Variants in KCNJ18 observed in about 807,000 individuals in gnomAD.
KCNJ18 encodes potassium inwardly rectifying channel subfamily J member 18, also known as inward rectifier potassium channel 18.
Under a neutral mutation model 17.3 loss-of-function variants are expected in KCNJ18, and 16 were observed. The observed-to-expected ratio is 0.92, with a 90% CI of 0.62 to 1.40. KCNJ18 has a LOEUF of 1.40. KCNJ18 is among the 40% of genes most tolerant of loss of function. The pLI is 0.00. For synonymous variants in KCNJ18, 185 were observed against 262.6 expected (o/e 0.70, Z 2.86); for missense variants, 462 against 626.8 (o/e 0.74, Z 2.81).
intron 1 of KCNJ18, among the ~76,000 whole-genome samples, chr17:21,695,006 A>G (rs1905713715): frequency 6.7e-6 from 1 of 149,826 alleles, no homozygotes; most frequent in Non-Finnish European, 1.5e-5. Context: ...CTATCCATCC[A>G]TCCACCCACC....
intron 2 of KCNJ18, among the ~76,000 whole-genome samples, chr17:21,702,396 T>C (rs1330517946): frequency 6.6e-6 from 1 of 152,072 alleles, no homozygotes; most frequent in Admixed American, 6.5e-5. Context: ...GCAGAGAGGC[T>C]GGCAAGTTGT....
In KCNJ18 at chr17:21,696,011, C is replaced by A. The variant is rs1216703334; in HGVS notation, c.-150C>A. The A allele has an allele frequency of 8.0e-4, 122 of 152,558 alleles. No individual in the cohort carries two copies. Among genetic ancestry groups the A allele is most frequent in the African/African-American group, 2.8e-3 (118 of 41,602 alleles). The allele number at this position is 152,558 out of a possible 1,614,324, so 9.5% of individuals were successfully genotyped here. On this transcript the variant is annotated 5_prime_UTR_variant, in exon 2 of 3. It adds an upstream start codon to the 5' untranslated region. Transcript: ENST00000567955. ...GTTCTAGTGACTGGATCCTTTCCAG[C>A]TGGTGCCTGGGAAATGGCAGCCACT...
At chr17:21,696,758 A>C (rs1217785193) in intron 2 of KCNJ18, among the ~76,000 whole-genome samples, 1 of 151,770 alleles carries the variant, frequency 6.6e-6, no homozygotes, top group African/African-American at 2.4e-5. Flanking sequence ...TGTGGGGCAG[A>C]AGGTGGAGGA....
chr17:21,696,250 C>T (rs1452038520), intron 2 of KCNJ18, 146 bp downstream of exon 2: 1 of 151,954 alleles, frequency 6.6e-6, no homozygotes, highest in African/African-American at 2.4e-5. Flanking sequence ...GCCTTCCATC[C>T]ACCCACCCAT....
chr17:21,694,103 G>C (rs1180160135), intron 1 of KCNJ18, among the ~76,000 whole-genome samples: 13,203 of 138,544 alleles, frequency 0.095, 1,553 homozygotes, highest in African/African-American at 0.29. Context: ...CTGTGTGCCT[G>C]TAAACCACTG....
chr17:21,701,330 T>A (rs1247583534), intron 2 of KCNJ18, among the ~76,000 whole-genome samples: 1 of 152,276 alleles, frequency 6.6e-6, no homozygotes, highest in Non-Finnish European at 1.5e-5. Flanking sequence ...GAGCTGAGGG[T>A]GGTGCTGGGA....
chr17:21,698,926 C>T (rs1427837409), intron 2 of KCNJ18, among the ~76,000 whole-genome samples: 24 of 152,362 alleles, frequency 1.6e-4, no homozygotes, highest in African/African-American at 4.3e-4. Context: ...GTGTTGAAAC[C>T]GCCTTGTCTA....
At chr17:21,699,289 C>T (rs1333856815) in intron 2 of KCNJ18, among the ~76,000 whole-genome samples, 51 of 152,122 alleles carry the variant, frequency 3.4e-4, no homozygotes, top group African/African-American at 1.0e-3. Context: ...TCTTAAATTG[C>T]GACCTTGAAG....
intron 1 of KCNJ18, among the ~76,000 whole-genome samples, chr17:21,694,810 A>G: frequency 2.0e-5 from 3 of 151,892 alleles, no homozygotes; most frequent in Middle Eastern, 6.8e-3. Context: ...CCAACATTCC[A>G]TCCATCCATC....
intron 1 of KCNJ18, among the ~76,000 whole-genome samples, chr17:21,694,993 C>T (rs1184585037): frequency 1.2e-4 from 18 of 151,518 alleles, no homozygotes; most frequent in Admixed American, 2.0e-4. Context: ...CCATCCCATT[C>T]GTCTATCCAT....
At position 21,703,592 on chromosome 17, in the gene KCNJ18, C is replaced by A; in HGVS notation, c.806C>A (p.Thr269Asn). 2.5e-6 allele frequency: 4 copies of A among 1,613,166 alleles called. No individual in the cohort carries two copies. The highest frequency in any genetic ancestry group is 2.5e-6 in the Non-Finnish European group (3 of 1,179,602). ...LDRIFLVSPI[T>N]ILHEIDEASP... is the part of the protein sequence containing the mutation. ...CGCATCTTTCTGGTGTCGCCCATCA[C>A]CATCTTGCATGAAATTGACGAGGCC... The change falls in exon 3 of 3, where the codon ACC becomes AAC. Residue 269 changes from threonine (T) to asparagine (N), a missense_variant. By Grantham distance (65) the Thr-to-Asn change is moderately conservative. This residue lies in a region of KCNJ18 where 55 missense variants were observed against 69.1 expected (regional missense o/e 0.80). Coordinates refer to ENST00000567955, the MANE Select transcript of KCNJ18 (RefSeq NM_001194958.2).
intron 2 of KCNJ18, among the ~76,000 whole-genome samples, chr17:21,702,367 T>C (rs1196045914): frequency 6.6e-6 from 1 of 152,034 alleles, no homozygotes; most frequent in East Asian, 1.9e-4. Flanking sequence ...CCATGGAGAC[T>C]GGGGGGCCAT....
At chr17:21,701,205 A>G (rs1325236136) in intron 2 of KCNJ18, among the ~76,000 whole-genome samples, 1,744 of 42,556 alleles carry the variant, frequency 0.041, 16 homozygotes, top group South Asian at 0.11. Flanking sequence ...GGGTGGGCAC[A>G]TCAGTGGCTG....
At position 21,703,218 on chromosome 17, in the gene KCNJ18, C is replaced by T. The variant is rs1441020437; in HGVS notation, c.432C>T (p.Ile144=). 2.5e-5 allele frequency: 40 copies of T among 1,611,054 alleles called. 1 individual carries two copies. Among genetic ancestry groups the T allele is most frequent in the South Asian group, 1.3e-4 (12 of 90,830 alleles). The change falls in exon 3 of 3, where the codon ATC becomes ATT. Residue 144 remains isoleucine (I), a synonymous_variant. Transcript: ENST00000567955. Reference sequence around the variant, plus strand: ...TCTCCATCGAGACGCAGACCACCATCGGCTACGGGCTGCGCTGTGTGACGG... The same window carrying T: ...TCTCCATCGAGACGCAGACCACCATTGGCTACGGGCTGCGCTGTGTGACGG... ...FLFSIETQTT[I]GYGLRCVTEE...
Position 21,704,372 on chromosome 17 carries a change from G to A in KCNJ18, c.*284G>A, listed in dbSNP as rs1906095026. 2.4e-6 allele frequency: 1 copy of A among 417,358 alleles called. No homozygotes were observed. The highest frequency in any genetic ancestry group is 4.4e-6 in the Non-Finnish European group (1 of 228,376). The allele number at this position is 417,358 out of a possible 1,614,324, so 25.9% of individuals were successfully genotyped here. On this transcript the variant is annotated 3_prime_UTR_variant, in exon 3 of 3. Coordinates refer to ENST00000567955, the MANE Select transcript of KCNJ18 (RefSeq NM_001194958.2). ...GCCAGGGCTTCTGCCTGAAGATGGAGCTGCAGCCTGCGGGGAAGCAGCCCA... is the reference window on the plus strand; with the variant it reads ...GCCAGGGCTTCTGCCTGAAGATGGAACTGCAGCCTGCGGGGAAGCAGCCCA...
chr17:21,693,840 T>C (rs1359949265), intron 1 of KCNJ18, among the ~76,000 whole-genome samples: 1 of 152,106 alleles, frequency 6.6e-6, no homozygotes, highest in Non-Finnish European at 1.5e-5. Context: ...TCTCTGAACC[T>C]CTGTGTCCCC....
In KCNJ18 at chr17:21,703,129, G is replaced by A; in HGVS notation, c.343G>A (p.Ala115Thr). 1 of 1,611,576 alleles carries A rather than the reference G, an allele frequency of 6.2e-7. No individual in the cohort carries two copies. Among genetic ancestry groups the A allele is most frequent in the Non-Finnish European group, 8.5e-7 (1 of 1,179,446 alleles). ...GGTGGCACACGGTGACCTGGAGCCG[G>A]CTGAGGGCCACGGCCGCACACCCTG... is the stretch of plus-strand genomic sequence containing the variant. ...IAVAHGDLEP[A>T]EGHGRTPCVM... The change falls in exon 3 of 3, where the codon GCT becomes ACT. Residue 115 changes from alanine (A) to threonine (T), a missense_variant. Around this residue, in one of 5 missense-constraint regions of KCNJ18, gnomAD observed 237 missense variants for 259.4 expected, o/e 0.91. Transcript: ENST00000567955.
At chr17:21,702,222 C>T (rs1905982055) in intron 2 of KCNJ18, among the ~76,000 whole-genome samples, 1 of 151,850 alleles carries the variant, frequency 6.6e-6, no homozygotes, top group Non-Finnish European at 1.5e-5. Flanking sequence ...GGGGAGTCCG[C>T]TGGAGGAGGC....
At chr17:21,695,598 G>A (rs1394044514) in intron 1 of KCNJ18, among the ~76,000 whole-genome samples, 1 of 152,296 alleles carries the variant, frequency 6.6e-6, no homozygotes, top group African/African-American at 2.4e-5. Context: ...GAATTCCTTT[G>A]TGACAGTGGG....
Sources: gnomAD v4.1 joint callset for allele counts (sites outside exome capture counted in the v4.1 genomes callset) on GRCh38, gnomAD v4.1.1 for gene constraint, gnomAD v4.1.1 regional missense constraint, MANE v1.5 for transcripts, NCBI Gene and HGNC (gene_info 2026-07-23, HGNC 2026-07-21) for gene names.